XKR4: variants seen among roughly 807,000 people sequenced by gnomAD.
XKR4 encodes XK-related protein 4.
Under a neutral mutation model 53.9 loss-of-function variants are expected in XKR4, and 12 were observed. The ratio of observed to expected loss-of-function variants is 0.22; its 90% confidence interval spans 0.14 to 0.36. XKR4 has a LOEUF of 0.36. Ranked by LOEUF, XKR4 falls within the 10% of genes least tolerant of loss-of-function variation. The pLI is 1.00. For missense variants in XKR4, 799 were observed against 859.5 expected (o/e 0.93, Z 0.88); for synonymous variants, 354 against 362.4 (o/e 0.98, Z 0.26).
chr8:55,219,761 A>C (rs911444892), intron 1 of XKR4, among the ~76,000 whole-genome samples: 1 of 152,198 alleles, frequency 6.6e-6, no homozygotes, highest in East Asian at 1.9e-4. Flanking sequence ...TTGCTTTTTT[A>C]TAATCTTTAC....
rs1308573883 is a variant in XKR4, at chr8:55,502,308, C to T, written c.1007-20973C>T. Reference sequence around the variant, plus strand: ...GAGAACTGACATACTGTTTTTCATACGGGATGCACCATTTAACATTCCCAC... The same window carrying T: ...GAGAACTGACATACTGTTTTTCATATGGGATGCACCATTTAACATTCCCAC... On this transcript the variant is annotated intron_variant, in intron 2 of 2. Coordinates refer to ENST00000327381, the MANE Select transcript of XKR4 (RefSeq NM_052898.2). 5.3e-5 allele frequency among the ~76,000 whole-genome samples: 8 copies of T among 151,992 alleles called. No homozygotes were observed. In the South Asian group the frequency reaches 1.0e-3, roughly 20 times the overall value.
rs74775360 is a variant in XKR4, at chr8:55,415,602, G to C, written c.1006+57725G>C. Among the ~76,000 whole-genome samples, 54 of 152,258 alleles carry C rather than the reference G, an allele frequency of 3.5e-4. 1 individual carries two copies. In the East Asian group the frequency reaches 6.0e-3, roughly 17 times the overall value. ...CTGCAGGAAACCCATGTCTCCTTTT[G>C]TATTTGCAAACGATTAAACTCCTTC... On this transcript the variant is annotated intron_variant, in intron 2 of 2. Coordinates refer to ENST00000327381, the MANE Select transcript of XKR4 (RefSeq NM_052898.2).
At chr8:55,454,343 AG>A in intron 2 of XKR4, 1 of 1,506,402 alleles carries the variant, frequency 6.6e-7, no homozygotes, top group Non-Finnish European at 9.2e-7. Flanking sequence ...GAGGGCCTCC[AG>A]CAGCTGGGCC....
chr8:55,182,910 G>A (rs912137733), intron 1 of XKR4, among the ~76,000 whole-genome samples: 1 of 151,888 alleles, frequency 6.6e-6, no homozygotes, highest in Non-Finnish European at 1.5e-5. Flanking sequence ...CTCCCTAATT[G>A]TGTCTCCCAA....
At chr8:55,146,746 T>G (rs1472281318) in intron 1 of XKR4, among the ~76,000 whole-genome samples, 3 of 152,224 alleles carry the variant, frequency 2.0e-5, no homozygotes, top group Non-Finnish European at 2.9e-5. Flanking sequence ...GGGCATTTGC[T>G]TTTTAATTTC....
intron 1 of XKR4, among the ~76,000 whole-genome samples, chr8:55,331,638 T>C (rs1160683951): frequency 1.3e-5 from 2 of 152,204 alleles, no homozygotes; most frequent in East Asian, 3.8e-4. Context: ...GCTTGAGGCA[T>C]ATACGTTGTA....
intron 2 of XKR4, among the ~76,000 whole-genome samples, chr8:55,475,814 G>T (rs1169465700): frequency 6.6e-6 from 1 of 151,856 alleles, no homozygotes; most frequent in African/African-American, 2.4e-5. Flanking sequence ...TCTTGGCCAG[G>T]CTGATCTTGA....
chr8:55,113,803 T>C (rs1321511359), intron 1 of XKR4, among the ~76,000 whole-genome samples: 1 of 152,188 alleles, frequency 6.6e-6, no homozygotes, highest in Non-Finnish European at 1.5e-5. Flanking sequence ...GTTTAGCTCC[T>C]ACTTAGAAGT....
rs545424870 is a variant in XKR4, at chr8:55,375,075, G to A, written c.1006+17198G>A. On this transcript the variant is annotated intron_variant, in intron 2 of 2. Transcript: ENST00000327381. ...CCTGTGCTCCAAGTTCCATCCCACC[G>A]GGAAAGGACCTCAGTTTGGAGGAAT... Among the ~76,000 whole-genome samples the A allele has an allele frequency of 4.6e-5, 7 of 152,202 alleles. No individual in the cohort carries two copies. In the East Asian group the frequency reaches 7.7e-4, roughly 17 times the overall value.
intron 2 of XKR4, among the ~76,000 whole-genome samples, chr8:55,485,083 C>A (rs973216940): frequency 1.3e-5 from 2 of 152,196 alleles, no homozygotes; most frequent in Non-Finnish European, 2.9e-5. Flanking sequence ...GATAAAAATT[C>A]TCAGAAATCT....
intron 2 of XKR4, among the ~76,000 whole-genome samples, chr8:55,365,224 GCGCTGGCTGC>G (rs1358777024): frequency 2.0e-5 from 3 of 152,206 alleles, no homozygotes; most frequent in African/African-American, 7.2e-5. Context: ...CCTGCTGTGC[GCGCTGGCTGC>G]CGCTGGCCCT....
intron 1 of XKR4, among the ~76,000 whole-genome samples, chr8:55,225,792 G>A (rs773753152): frequency 1.3e-5 from 2 of 152,212 alleles, no homozygotes; most frequent in Non-Finnish European, 2.9e-5. Context: ...TTTAGAGACA[G>A]GCGCCAACCA....
rs56983428 is a variant in XKR4 at position 55,367,811 on chromosome 8, C to T, written c.1006+9934C>T. 1.6e-3 allele frequency among the ~76,000 whole-genome samples: 246 copies of T among 152,258 alleles called. 1 individual carries two copies. The highest frequency in any genetic ancestry group is 5.5e-3 in the African/African-American group (229 of 41,532). On this transcript the variant is annotated intron_variant, in intron 2 of 2. Transcript: ENST00000327381. ...CCACCTCCAAAACACATCCCAAATC[C>T]GACCACCCTTTGCTGCCTCCGCTGA... is the stretch of plus-strand genomic sequence containing the variant.
rs1350239553 is a variant in XKR4, at chr8:55,272,051, A to G, written c.807-85627A>G. On this transcript the variant is annotated intron_variant, in intron 1 of 2. Coordinates refer to ENST00000327381, the MANE Select transcript of XKR4 (RefSeq NM_052898.2). ...GAATGAAGAATTTTCTGTTTTATACATAAAGGTGGTGGTGGCAGTGGATGG... is the reference window on the plus strand; with the variant it reads ...GAATGAAGAATTTTCTGTTTTATACGTAAAGGTGGTGGTGGCAGTGGATGG... 4.6e-5 allele frequency among the ~76,000 whole-genome samples: 7 copies of G among 152,198 alleles called. No individual in the cohort carries two copies. In the East Asian group the frequency reaches 1.3e-3, roughly 29 times the overall value.
intron 2 of XKR4, among the ~76,000 whole-genome samples, chr8:55,519,082 C>T (rs937947259): frequency 6.6e-6 from 1 of 152,128 alleles, no homozygotes; most frequent in East Asian, 1.9e-4. Flanking sequence ...CAATTTTCAC[C>T]CAAGATAAAT....
chr8:55,457,146 C>CATTTCTTTTTT (rs1554527640), intron 2 of XKR4, among the ~76,000 whole-genome samples: 1 of 137,264 alleles, frequency 7.3e-6, no homozygotes, highest in Non-Finnish European at 1.6e-5. Flanking sequence ...TTTTCCTTTT[C>CATTTCTTTTTT]TTTTTTTTTT....
intron 2 of XKR4, among the ~76,000 whole-genome samples, chr8:55,372,340 C>T (rs1185485468): frequency 6.6e-6 from 1 of 152,202 alleles, no homozygotes; most frequent in Non-Finnish European, 1.5e-5. Flanking sequence ...ATCTGCCATT[C>T]ACCTGACCTT....
At chr8:55,285,345 G>A (rs1237748334) in intron 1 of XKR4, among the ~76,000 whole-genome samples, 1 of 152,086 alleles carries the variant, frequency 6.6e-6, no homozygotes, top group African/African-American at 2.4e-5. Context: ...GGGACTCAAG[G>A]TCTATGATGG....
At chr8:55,418,265 G>C (rs899386732) in intron 2 of XKR4, among the ~76,000 whole-genome samples, 1 of 152,170 alleles carries the variant, frequency 6.6e-6, no homozygotes, top group African/African-American at 2.4e-5. Flanking sequence ...AGGGCATTCA[G>C]CTTACAGCCA....
Sources: gnomAD v4.1 joint callset for allele counts (sites outside exome capture counted in the v4.1 genomes callset) on GRCh38, gnomAD v4.1.1 for gene constraint, MANE v1.5 for transcripts, NCBI Gene and HGNC (gene_info 2026-07-23, HGNC 2026-07-21) for gene names.